Variants in IL12RB1 observed in about 807,000 individuals in gnomAD.
The protein encoded by IL12RB1 is interleukin-12 receptor subunit beta-1.
In IL12RB1, 64 loss-of-function variants were observed where a neutral mutation model predicts 94.4. The observed-to-expected ratio is 0.68, with a 90% CI of 0.55 to 0.83. IL12RB1 has a LOEUF of 0.83. Among genes scored for constraint, IL12RB1 ranks in the 40% least tolerant of loss-of-function variants. IL12RB1 has a pLI of 0.00. For missense variants in IL12RB1, 814 were observed against 855.6 expected, an observed-to-expected ratio of 0.95 and a Z score of 0.61; for synonymous variants, 362 against 355.5, an observed-to-expected ratio of 1.02 and a Z score of -0.21.
At chr19:18,095,750 G>T (rs759375993) in intron 1 of IL12RB1, among the ~76,000 whole-genome samples, 2 of 152,074 alleles carry the variant, frequency 1.3e-5, no homozygotes, top group East Asian at 3.8e-4. Context: ...ATTTTTATTT[G>T]CTCAATCTGG....
intron 1 of IL12RB1, among the ~76,000 whole-genome samples, chr19:18,083,839 G>A (rs2036098001): frequency 8.7e-6 from 1 of 114,624 alleles, no homozygotes; most frequent in African/African-American, 3.5e-5. Flanking sequence ...ATCCATCCAT[G>A]TACTCATCCA....
intron 4 of IL12RB1, among the ~76,000 whole-genome samples, chr19:18,080,556 A>T (rs2035823740): frequency 6.6e-6 from 1 of 152,162 alleles, no homozygotes; most frequent in African/African-American, 2.4e-5. Flanking sequence ...ATGTCGAGTC[A>T]TGAGAACAGA....
chr19:18,076,145 C>T (rs1435824768), intron 6 of IL12RB1, 152 bp downstream of exon 6: 39 of 699,772 alleles, frequency 5.6e-5, no homozygotes, highest in South Asian at 4.9e-4. Flanking sequence ...GATTTGTTTC[C>T]CCACCTGCAA....
chr19:18,067,326 GAAAAAAAAAAAAAA>G (rs57327846), intron 11 of IL12RB1, among the ~76,000 whole-genome samples: 1 of 82,594 alleles, frequency 1.2e-5, no homozygotes, highest in South Asian at 5.4e-4. Flanking sequence ...TCTGTCTCAA[GAAAAAAAAAAAAAA>G]AAAAAAAAAA....
chr19:18,066,460 T>G (rs1459684129), intron 12 of IL12RB1, 82 bp downstream of exon 12: 1 of 999,200 alleles, frequency 1.0e-6, no homozygotes, highest in African/African-American at 1.6e-5. Flanking sequence ...GACGGCAAGG[T>G]GCCCAGGGTC....
chr19:18,063,326 C>T (rs903049007), intron 13 of IL12RB1, among the ~76,000 whole-genome samples: 1 of 151,660 alleles, frequency 6.6e-6, no homozygotes, highest in African/African-American at 2.4e-5. Flanking sequence ...TTGAACTCCT[C>T]GGCTCAAGCA....
At chr19:18,079,600 T>G (rs2035732418) in intron 4 of IL12RB1, among the ~76,000 whole-genome samples, 1 of 152,070 alleles carries the variant, frequency 6.6e-6, no homozygotes, top group Admixed American at 6.6e-5. Context: ...TATTCGACTT[T>G]TTTTTTTTAA....
chr19:18,079,186 C>T (rs1458119260), intron 4 of IL12RB1, among the ~76,000 whole-genome samples: 1 of 150,438 alleles, frequency 6.6e-6, no homozygotes, highest in Non-Finnish European at 1.5e-5. Context: ...TCACTGTAAC[C>T]TCCATACCAC....
At chr19:18,073,627 G>A (rs753673002) in intron 7 of IL12RB1, 28 bp from the exon 8 acceptor site, 83 of 1,323,290 alleles carry the variant, frequency 6.3e-5, no homozygotes, top group Middle Eastern at 1.8e-4. Flanking sequence ...CCAACTAGAC[G>A]AATTGGAAGG....
At chr19:18,090,002 G>A (rs2036561822), upstream of IL12RB1, among the ~76,000 whole-genome samples, 1 of 152,244 alleles carries the variant, frequency 6.6e-6, no homozygotes, top group African/African-American at 2.4e-5. Flanking sequence ...GTCAGCTGGG[G>A]GATGGATGTG....
chr19:18,083,811 C>T (rs994706473), intron 1 of IL12RB1, among the ~76,000 whole-genome samples: 8 of 149,136 alleles, frequency 5.4e-5, no homozygotes, highest in Admixed American at 4.7e-4. Flanking sequence ...ACCCCACCAT[C>T]CACCCATCTA....
chr19:18,088,301 G>A (rs921626336), upstream of IL12RB1, among the ~76,000 whole-genome samples: 14 of 151,480 alleles, frequency 9.2e-5, no homozygotes, highest in African/African-American at 1.5e-4. Context: ...CAGGAGAATC[G>A]CTTGAACCCA....
intron 7 of IL12RB1, among the ~76,000 whole-genome samples, chr19:18,074,818 G>A (rs895449859): frequency 2.6e-5 from 4 of 152,022 alleles, no homozygotes; most frequent in African/African-American, 4.8e-5. Context: ...TTGGGAGGCC[G>A]AGGAGGGCAG....
intron 12 of IL12RB1, 128 bp from the exon 13 acceptor site, chr19:18,064,138 C>CT (rs55986229): frequency 0.067 from 23,339 of 348,678 alleles, 1,425 homozygotes; most frequent in African/African-American, 0.28. Flanking sequence ...CTCTTTCTTT[C>CT]TTTTTTTTTT....
Position 18,066,743 on chromosome 19 carries a change from G to A in IL12RB1, c.1328-46C>T, listed in dbSNP as rs571649225. ...ATAGTCAACACCAAGAATGCTGGTC[G>A]AGGCCTGGCACAGTGGCTCGCACCT... is the stretch of plus-strand genomic sequence containing the variant. On this transcript the variant is annotated intron_variant, in intron 11 of 16. Transcript: ENST00000593993. The A allele has an allele frequency of 2.8e-5, 44 of 1,560,794 alleles. No individual in the cohort carries two copies. The African/African-American group carries it at 3.5e-4, about 12-fold the overall frequency.
At chr19:18,098,217 C>A (rs1568538004) in intron 1 of IL12RB1, among the ~76,000 whole-genome samples, 1 of 152,176 alleles carries the variant, frequency 6.6e-6, no homozygotes, top group South Asian at 2.1e-4. Context: ...TGTATTAATA[C>A]CTCCTTGGGT....
intron 9 of IL12RB1, chr19:18,071,048 G>A (rs2034996070): frequency 1.3e-5 from 3 of 235,678 alleles, no homozygotes; most frequent in South Asian, 4.4e-5. Flanking sequence ...ACCAGCCTGG[G>A]CAACATGGTG....
intron 1 of IL12RB1, among the ~76,000 whole-genome samples, chr19:18,096,874 G>A (rs1004002369): frequency 6.6e-6 from 1 of 151,322 alleles, no homozygotes; most frequent in Non-Finnish European, 1.5e-5. Flanking sequence ...GCCATATGCG[G>A]TGGCTGACAC....
chr19:18,075,125 A>G (rs1033212999), intron 7 of IL12RB1, among the ~76,000 whole-genome samples: 2 of 151,972 alleles, frequency 1.3e-5, no homozygotes, highest in South Asian at 2.1e-4. Flanking sequence ...AAGTGGGTGC[A>G]GCAAGACCGG....
Sources: allele counts gnomAD v4.1 joint callset (sites outside exome capture counted in the v4.1 genomes callset), GRCh38; gene constraint gnomAD v4.1.1; transcripts MANE v1.5; gene names NCBI Gene and HGNC (gene_info 2026-07-23, HGNC 2026-07-21).